PCDHGB1: variants seen among roughly 807,000 people sequenced by gnomAD.
The protein encoded by PCDHGB1 is protocadherin gamma-B1.
In PCDHGB1, 34 loss-of-function variants were observed where a neutral mutation model predicts 56.6. The observed-to-expected ratio is 0.60, with a 90% CI of 0.46 to 0.80. PCDHGB1 has a LOEUF of 0.80. Among genes scored for constraint, PCDHGB1 ranks in the 30% least tolerant of loss-of-function variants. The pLI is 0.00. For missense variants in PCDHGB1, 1,278 were observed against 1,204.6 expected, an observed-to-expected ratio of 1.06 and a Z score of -0.90; for synonymous variants, 561 against 505.9, an observed-to-expected ratio of 1.11 and a Z score of -1.46.
At chr5:141,456,149 G>A (rs377506220) in intron 1 of PCDHGB1, among the ~76,000 whole-genome samples, 1 of 151,866 alleles carries the variant, frequency 6.6e-6, no homozygotes, top group East Asian at 1.9e-4. Flanking sequence ...CGCCCGCCTC[G>A]GCCTCCTAAA....
At chr5:141,393,944 A>G (rs756691407) in intron 1 of PCDHGB1, 3 of 1,613,998 alleles carry the variant, frequency 1.9e-6, no homozygotes, top group South Asian at 1.1e-5. Flanking sequence ...AAGACTCTGG[A>G]AAGAATGGTC....
At position 141,432,627 on chromosome 5, in the gene PCDHGB1, C is replaced by A. The variant is rs886117102; in HGVS notation, c.2410-62180C>A. 1 of 1,613,652 alleles carries A rather than the reference C, an allele frequency of 6.2e-7. No homozygotes were observed. The highest frequency in any genetic ancestry group is 8.5e-7 in the Non-Finnish European group (1 of 1,179,952). On this transcript the variant is annotated intron_variant, in intron 1 of 3. Transcript: ENST00000523390. This position sits in a 1 kb window ranked among gnomAD's most constrained non-coding sequence, Gnocchi z 6.0. ...GGACTCTTCTCGGTGGGTCTGCACA[C>A]GGGCGAGGTGCGCACGGCGCGAGCC...
In PCDHGB1 at chr5:141,505,598, C is replaced by T. The variant is rs532473064; in HGVS notation, c.2557+117C>T. The T allele has an allele frequency of 1.4e-3, 2,157 of 1,556,732 alleles. 3 individuals are homozygous for T. Among genetic ancestry groups the T allele is most frequent in the Non-Finnish European group, 1.8e-3 (2,025 of 1,148,246 alleles). ...ACCTGTGTAGTTTCTCCAGATCTTT[C>T]GGCAGGTCTGAAAGGACCCACAATT... On this transcript the variant is annotated intron_variant, in intron 3 of 3. Coordinates refer to ENST00000523390, the MANE Select transcript of PCDHGB1 (RefSeq NM_018922.3).
At position 141,485,291 on chromosome 5, in the gene PCDHGB1, C is replaced by A. The variant is rs114678203; in HGVS notation, c.2410-9516C>A. 436 of 1,614,150 alleles carry A rather than the reference C, an allele frequency of 2.7e-4. No homozygotes were observed. Among genetic ancestry groups the A allele is most frequent in the Middle Eastern group, 8.2e-4 (5 of 6,062 alleles). Reference sequence around the variant, plus strand: ...CCGCTACCCGGTCCCAGAGGAGTCACAGGAAGGGACTTTTGTAGGGAATGT... The same window carrying A: ...CCGCTACCCGGTCCCAGAGGAGTCAAAGGAAGGGACTTTTGTAGGGAATGT... On this transcript the variant is annotated intron_variant, in intron 1 of 3. Coordinates refer to ENST00000523390, the MANE Select transcript of PCDHGB1 (RefSeq NM_018922.3). The surrounding 1 kb of genome is among the most constrained non-coding windows in gnomAD (Gnocchi z 5.7).
chr5:141,364,661 G>A (rs369366226), intron 1 of PCDHGB1: 127 of 1,614,028 alleles, frequency 7.9e-5, no homozygotes, highest in Non-Finnish European at 1.0e-4. Flanking sequence ...CATCTTGGTT[G>A]AGAACAAAAT....
chr5:141,415,107 A>T, intron 1 of PCDHGB1: 1 of 1,613,624 alleles, frequency 6.2e-7, no homozygotes, highest in Non-Finnish European at 8.5e-7. Flanking sequence ...CGCTCAAGCA[A>T]AGCCTCGTAG....
chr5:141,428,116 A>G, intron 1 of PCDHGB1: 1 of 1,607,216 alleles, frequency 6.2e-7, no homozygotes, highest in Non-Finnish European at 8.5e-7. Flanking sequence ...CAGGCCATCG[A>G]GCCCGGGCTT....
chr5:141,481,229 A>G (rs989963485), intron 1 of PCDHGB1, among the ~76,000 whole-genome samples: 5 of 152,212 alleles, frequency 3.3e-5, no homozygotes, highest in African/African-American at 4.8e-5. Context: ...TCCCAGCCTT[A>G]AAGTATTACA....
intron 1 of PCDHGB1, chr5:141,404,392 T>C (rs759142051): frequency 3.1e-6 from 5 of 1,613,820 alleles, no homozygotes; most frequent in African/African-American, 1.3e-5. Flanking sequence ...ATGACCCTGA[T>C]AGCAATGAGA....
rs529787438 is a variant in PCDHGB1 at position 141,470,330 on chromosome 5, G to A, written c.2410-24477G>A. Among the ~76,000 whole-genome samples the A allele has an allele frequency of 3.3e-4, 50 of 152,144 alleles. 1 individual carries two copies. The highest frequency in any genetic ancestry group is 1.1e-3 in the African/African-American group (47 of 41,498). ...TTTTCCTCAAATGATCCCATAATTT[G>A]ACCTTAGGAAGCTGTTCAAATAGAC... On this transcript the variant is annotated intron_variant, in intron 1 of 3. Coordinates refer to ENST00000523390, the MANE Select transcript of PCDHGB1 (RefSeq NM_018922.3).
At chr5:141,363,105 T>C (rs542430438) in intron 1 of PCDHGB1, among the ~76,000 whole-genome samples, 1 of 152,370 alleles carries the variant, frequency 6.6e-6, no homozygotes, top group African/African-American at 2.4e-5. Context: ...CAGGCAATGT[T>C]TGAGGTCTGA....
rs533857281 is a variant in PCDHGB1 at position 141,429,742 on chromosome 5, T to C, written c.2410-65065T>C. Among the ~76,000 whole-genome samples the C allele has an allele frequency of 3.8e-4, 58 of 152,336 alleles. 1 individual carries two copies. Among genetic ancestry groups the C allele is most frequent in the Admixed American group, 2.0e-4 (3 of 15,302 alleles). Reference sequence around the variant, plus strand: ...ATGAAAGTACGTAGCCAGTTATTTCTTAGGGAGAATTTTTTCCCTATATTT... The same window carrying C: ...ATGAAAGTACGTAGCCAGTTATTTCCTAGGGAGAATTTTTTCCCTATATTT... On this transcript the variant is annotated intron_variant, in intron 1 of 3. Transcript: ENST00000523390.
Position 141,371,494 on chromosome 5 carries a change from C to A in PCDHGB1, c.2409+18825C>A, listed in dbSNP as rs535024997. ...GATGCTGAGCTGGGGACTGCCGTTG[C>A]CCTGATCAAAACACATGATCTAGAT... On this transcript the variant is annotated intron_variant, in intron 1 of 3. Transcript: ENST00000523390. 20 of 1,613,888 alleles carry A rather than the reference C, an allele frequency of 1.2e-5. No individual in the cohort carries two copies. In the South Asian group the frequency reaches 1.9e-4, roughly 15 times the overall value.
chr5:141,491,560 T>C lies in PCDHGB1; in HGVS notation c.2410-3247T>C. 1 of 1,613,986 alleles carries C rather than the reference T, an allele frequency of 6.2e-7. No homozygotes were observed. Among genetic ancestry groups the C allele is most frequent in the Non-Finnish European group, 8.5e-7 (1 of 1,180,026 alleles). ...GCCCACAGACTCGCAGAGCCACTGCTACAGGACGTGCTTTTCACCGGCCTC... is the reference window on the plus strand; with the variant it reads ...GCCCACAGACTCGCAGAGCCACTGCCACAGGACGTGCTTTTCACCGGCCTC... On this transcript the variant is annotated intron_variant, in intron 1 of 3. Coordinates refer to ENST00000523390, the MANE Select transcript of PCDHGB1 (RefSeq NM_018922.3). This position sits in a 1 kb window ranked among gnomAD's most constrained non-coding sequence, Gnocchi z 6.9.
intron 1 of PCDHGB1, chr5:141,441,823 C>T (rs538052540): frequency 3.9e-5 from 14 of 357,336 alleles, no homozygotes; most frequent in Non-Finnish European, 6.6e-5. Context: ...AGCTCTGGAG[C>T]GCAATGGCTT....
rs774898388 is a variant in PCDHGB1, at chr5:141,491,593, A to G, written c.2410-3214A>G. 6.8e-6 allele frequency: 11 copies of G among 1,613,918 alleles called. No individual in the cohort carries two copies. In the Admixed American group the frequency reaches 1.2e-4, roughly 17 times the overall value. Reference sequence around the variant, plus strand: ...GTGCTTTTCACCGGCCTCGGACGGCAGTGACTTCACTTTTCTAAGACCCCT... The same window carrying G: ...GTGCTTTTCACCGGCCTCGGACGGCGGTGACTTCACTTTTCTAAGACCCCT... On this transcript the variant is annotated intron_variant, in intron 1 of 3. Transcript: ENST00000523390. This position sits in a 1 kb window ranked among gnomAD's most constrained non-coding sequence, Gnocchi z 6.9.
rs1349189547 is a variant in PCDHGB1 at position 141,432,777 on chromosome 5, C to A, written c.2410-62030C>A. 1.2e-6 allele frequency: 2 copies of A among 1,614,154 alleles called. No individual in the cohort carries two copies. The highest frequency in any genetic ancestry group is 1.3e-5 in the African/African-American group (1 of 75,062). ...GCCGACAGCATCCCCCAAGTCCTGGCGGACCTCGGCAGCCTCGAGTCTCCA... is the reference window on the plus strand; with the variant it reads ...GCCGACAGCATCCCCCAAGTCCTGGAGGACCTCGGCAGCCTCGAGTCTCCA... On this transcript the variant is annotated intron_variant, in intron 1 of 3. Transcript: ENST00000523390. This position sits in a 1 kb window ranked among gnomAD's most constrained non-coding sequence, Gnocchi z 6.0.
chr5:141,390,016 T>G (rs768656280), intron 1 of PCDHGB1: 2 of 1,613,978 alleles, frequency 1.2e-6, no homozygotes, highest in East Asian at 4.5e-5. Context: ...GCCATTGCCT[T>G]GCGCCTGCGA....
chr5:141,502,535 G>A (rs910160644), intron 2 of PCDHGB1, among the ~76,000 whole-genome samples: 14 of 152,172 alleles, frequency 9.2e-5, no homozygotes, highest in South Asian at 2.1e-4. Flanking sequence ...GAGTTTGTTC[G>A]TGTGGTAAAA....
Sources: gnomAD v4.1 joint callset for allele counts (sites outside exome capture counted in the v4.1 genomes callset) on GRCh38, gnomAD v4.1.1 for gene constraint, Gnocchi (gnomAD v3.1) non-coding constraint, MANE v1.5 for transcripts, NCBI Gene and HGNC (gene_info 2026-07-23, HGNC 2026-07-21) for gene names.